Variants in MYRIP observed in about 807,000 individuals in gnomAD.
MYRIP encodes myosin VIIA and Rab interacting protein, also known as rab effector MyRIP.
MYRIP carries 49 observed loss-of-function variants against 98.0 expected under a neutral mutation model. That is an observed-to-expected ratio of 0.50 (90% CI 0.40 to 0.63). The LOEUF is 0.63. Among genes scored for constraint, MYRIP ranks in the 30% least tolerant of loss-of-function variants. MYRIP has a pLI of 0.00. For missense variants in MYRIP, 1,004 were observed against 1,058.2 expected (o/e 0.95, Z 0.71); for synonymous variants, 404 against 409.5 (o/e 0.99, Z 0.16).
At chr3:39,899,406 C>G (rs961041976) in intron 1 of MYRIP, among the ~76,000 whole-genome samples, 5 of 151,852 alleles carry the variant, frequency 3.3e-5, no homozygotes, top group African/African-American at 7.3e-5. Flanking sequence ...TTTTTCCAGT[C>G]TTATTTATTT....
chr3:40,021,135 A>C (rs1269387804), intron 2 of MYRIP, among the ~76,000 whole-genome samples: 1 of 152,208 alleles, frequency 6.6e-6, no homozygotes, highest in Non-Finnish European at 1.5e-5. Context: ...TGCTCTGGTA[A>C]GGGAGATGTC....
At chr3:40,147,882 C>G (rs1001339298) in intron 3 of MYRIP, among the ~76,000 whole-genome samples, 6 of 152,202 alleles carry the variant, frequency 3.9e-5, no homozygotes, top group African/African-American at 1.4e-4. Context: ...CCTGGGACTT[C>G]TCTTCATTGT....
chr3:40,112,188 A>AAC (rs908528508), intron 3 of MYRIP, among the ~76,000 whole-genome samples: 22 of 151,726 alleles, frequency 1.4e-4, no homozygotes, highest in African/African-American at 5.1e-4. Flanking sequence ...TTAAGGCTGG[A>AAC]ACACACACAC....
chr3:40,030,375 C>T (rs1042676905), intron 2 of MYRIP, among the ~76,000 whole-genome samples: 1 of 152,050 alleles, frequency 6.6e-6, no homozygotes, highest in African/African-American at 2.4e-5. Context: ...GAAATTCGAA[C>T]CCTCACATCT....
intron 2 of MYRIP, among the ~76,000 whole-genome samples, chr3:40,029,525 T>C (rs1359295870): frequency 2.0e-5 from 3 of 152,170 alleles, no homozygotes; most frequent in Non-Finnish European, 2.9e-5. Context: ...ATGTTTATGA[T>C]ATATTGTTAA....
At chr3:40,253,907 T>G (rs1953479818) in intron 16 of MYRIP, among the ~76,000 whole-genome samples, 1 of 152,182 alleles carries the variant, frequency 6.6e-6, no homozygotes. Context: ...AATGAAAATA[T>G]GTAAATGGAA....
chr3:40,129,147 A>AG (rs796212333), intron 3 of MYRIP, among the ~76,000 whole-genome samples: 5 of 151,966 alleles, frequency 3.3e-5, no homozygotes, highest in African/African-American at 1.2e-4. Flanking sequence ...AAAGAAAAAA[A>AG]AAATCATGAC....
At chr3:40,245,747 A>ATTTT (rs539410162) in intron 13 of MYRIP, among the ~76,000 whole-genome samples, 40,020 of 95,216 alleles carry the variant, frequency 0.42, 9,657 homozygotes, top group East Asian at 0.64. Context: ...TGGTTTGCTG[A>ATTTT]TTTTTTTTTT....
chr3:40,187,529 C>T (rs1487373457), intron 9 of MYRIP, among the ~76,000 whole-genome samples: 1 of 152,202 alleles, frequency 6.6e-6, no homozygotes, highest in Non-Finnish European at 1.5e-5. Flanking sequence ...GAGGTTTTAG[C>T]TATGCCCTTT....
intron 1 of MYRIP, among the ~76,000 whole-genome samples, chr3:39,883,571 T>C (rs1224489595): frequency 6.6e-6 from 1 of 151,698 alleles, no homozygotes; most frequent in Non-Finnish European, 1.5e-5. Context: ...CCAGGACCAC[T>C]AAAAAATAAT....
At position 40,258,178 on chromosome 3, in the gene MYRIP, T is replaced by G. The variant is rs372291318; in HGVS notation, c.*12T>G. ...CTGTGATGTACTGACACCATGGAAT[T>G]CCACTGCCAGTGACCCACTGCCTCC... On this transcript the variant is annotated 3_prime_UTR_variant, in exon 17 of 17. Transcript: ENST00000302541. 4 of 1,614,030 alleles carry G rather than the reference T, an allele frequency of 2.5e-6. No homozygotes were observed. Among genetic ancestry groups the G allele is most frequent in the Non-Finnish European group, 3.4e-6 (4 of 1,179,996 alleles).
At chr3:40,180,633 C>T (rs1022768940) in intron 8 of MYRIP, among the ~76,000 whole-genome samples, 6 of 152,210 alleles carry the variant, frequency 3.9e-5, no homozygotes, top group South Asian at 2.1e-4. Flanking sequence ...CTCTGGGTTG[C>T]GTTAACCTAT....
At chr3:40,105,629 A>G (rs1949037474) in intron 3 of MYRIP, among the ~76,000 whole-genome samples, 1 of 152,210 alleles carries the variant, frequency 6.6e-6, no homozygotes, top group African/African-American at 2.4e-5. Context: ...CTTTAAAGAA[A>G]TACCCAAGAT....
At chr3:40,201,655 T>G (rs899662509) in intron 10 of MYRIP, among the ~76,000 whole-genome samples, 1 of 140,410 alleles carries the variant, frequency 7.1e-6, no homozygotes, top group Non-Finnish European at 1.5e-5. Context: ...CTTGAGAGAC[T>G]CTCTTTGAGG....
At chr3:40,040,025 G>A (rs528433697) in intron 2 of MYRIP, among the ~76,000 whole-genome samples, 28 of 152,184 alleles carry the variant, frequency 1.8e-4, no homozygotes, top group African/African-American at 6.3e-4. Context: ...GTCTCTTAAA[G>A]GACAGTTGTC....
intron 2 of MYRIP, among the ~76,000 whole-genome samples, chr3:39,918,814 G>C (rs76279736): frequency 0.012 from 1,774 of 152,298 alleles, 55 homozygotes; most frequent in Admixed American, 0.066. Context: ...TTATAGGAGG[G>C]AGAGAAGAGG....
chr3:40,203,705 T>A (rs1480582944), intron 10 of MYRIP, among the ~76,000 whole-genome samples: 1 of 120,500 alleles, frequency 8.3e-6, no homozygotes, highest in Non-Finnish European at 1.6e-5. Flanking sequence ...ATTTTTATAT[T>A]TTATATATTT....
chr3:39,861,264 C>G (rs1261570281), intron 1 of MYRIP, among the ~76,000 whole-genome samples: 1 of 152,124 alleles, frequency 6.6e-6, no homozygotes, highest in East Asian at 1.9e-4. Flanking sequence ...AGAAATGAAG[C>G]TAGTCAACCA....
chr3:40,126,547 A>G (rs1406091151), intron 3 of MYRIP, among the ~76,000 whole-genome samples: 1 of 152,188 alleles, frequency 6.6e-6, no homozygotes, highest in Non-Finnish European at 1.5e-5. Context: ...GCTAATTCCC[A>G]TGTGTTTATG....
Sources: gnomAD v4.1 joint callset for allele counts (sites outside exome capture counted in the v4.1 genomes callset) on GRCh38, gnomAD v4.1.1 for gene constraint, MANE v1.5 for transcripts, NCBI Gene and HGNC (gene_info 2026-07-23, HGNC 2026-07-21) for gene names.